TBCK: variants seen among roughly 807,000 people sequenced by gnomAD.
TBCK encodes TBC domain-containing protein kinase-like protein.
A neutral mutation model predicts 113.4 loss-of-function variants in TBCK; 99 were observed. The ratio of observed to expected loss-of-function variants is 0.87; its 90% CI spans 0.74 to 1.03. TBCK has a LOEUF of 1.03. Ranked by LOEUF, TBCK falls within the 50% of genes least tolerant of loss-of-function variation. TBCK has a pLI of 0.00. For synonymous variants in TBCK, 369 were observed against 370.8 expected (o/e 1.00, Z 0.05); for missense variants, 1,045 against 1,061.3 (o/e 0.98, Z 0.21).
intron 22 of TBCK, among the ~76,000 whole-genome samples, chr4:106,172,521 T>C (rs1435529419): frequency 1.3e-5 from 2 of 152,172 alleles, no homozygotes; most frequent in Admixed American, 1.3e-4. Flanking sequence ...AAATGGCATA[T>C]ATTCTCATTT....
chr4:106,130,387 C>T (rs1446291640), intron 23 of TBCK, among the ~76,000 whole-genome samples: 1 of 151,878 alleles, frequency 6.6e-6, no homozygotes. Context: ...AATGTTAATA[C>T]ACAATAAAAG....
At chr4:106,162,642 A>G (rs1261335784) in intron 23 of TBCK, among the ~76,000 whole-genome samples, 1 of 152,182 alleles carries the variant, frequency 6.6e-6, no homozygotes, top group Non-Finnish European at 1.5e-5. Context: ...ATGCACCAAC[A>G]GGCCAAACAC....
chr4:106,236,625 AT>A (rs2150011207), intron 13 of TBCK, 106 bp from the exon 14 acceptor site: 2 of 1,156,786 alleles, frequency 1.7e-6, no homozygotes, highest in East Asian at 3.0e-5. Context: ...AAAGCACAAA[AT>A]TTTAATAAAC....
chr4:106,121,937 T>A (rs967755463), intron 23 of TBCK, among the ~76,000 whole-genome samples: 2 of 151,842 alleles, frequency 1.3e-5, no homozygotes, highest in African/African-American at 4.8e-5. Context: ...GATCTAAAAT[T>A]CACACCCTAA....
intron 23 of TBCK, among the ~76,000 whole-genome samples, chr4:106,117,430 C>A (rs1743655096): frequency 6.6e-6 from 1 of 152,062 alleles, no homozygotes; most frequent in South Asian, 2.1e-4. Flanking sequence ...ATAAAGAGCA[C>A]CCTAATGCTT....
intron 15 of TBCK, among the ~76,000 whole-genome samples, chr4:106,234,309 A>T (rs1759213297): frequency 6.6e-6 from 1 of 152,272 alleles, no homozygotes; most frequent in Admixed American, 6.5e-5. Context: ...TTAATGTATG[A>T]TATTGAACAA....
At chr4:106,079,780 C>T (rs1241828668) in intron 25 of TBCK, among the ~76,000 whole-genome samples, 1 of 152,132 alleles carries the variant, frequency 6.6e-6, no homozygotes, top group Non-Finnish European at 1.5e-5. Flanking sequence ...GTTTCATTGG[C>T]TCACAGTTCT....
Position 106,116,209 on chromosome 4 carries a change from C to T in TBCK, c.2405G>A (p.Ser802Asn), listed in dbSNP as rs992126997. 3 of 1,613,872 alleles carry T rather than the reference C, an allele frequency of 1.9e-6. No homozygotes were observed. Among genetic ancestry groups the T allele is most frequent in the Non-Finnish European group, 8.5e-7 (1 of 1,179,962 alleles). Residue 802 changes from serine (S) to asparagine (N), a missense_variant, in exon 24 of 26, where the codon AGT (serine) becomes AAT (asparagine). Coordinates refer to ENST00000394708, the MANE Select transcript of TBCK (RefSeq NM_001163435.3). ...PKLLVVDIRNSEDFIRGHISG... is the reference protein window; with the variant it reads ...PKLLVVDIRNNEDFIRGHISG... ...CAGCATATGCAAAGGATACTCTTCA[C>T]TATTCCGGATGTCAACCACCAGGAG...
intron 23 of TBCK, among the ~76,000 whole-genome samples, chr4:106,121,956 T>C (rs1744448680): frequency 1.3e-5 from 2 of 151,930 alleles, no homozygotes; most frequent in South Asian, 4.2e-4. Context: ...AACATCACAA[T>C]TAAAAGAACT....
chr4:106,214,886 G>C (rs1756670607), intron 19 of TBCK, among the ~76,000 whole-genome samples: 1 of 152,018 alleles, frequency 6.6e-6, no homozygotes, highest in African/African-American at 2.4e-5. Flanking sequence ...TACTCCTTGA[G>C]AAGAGCAACT....
Position 106,294,504 on chromosome 4 carries a change from T to G in TBCK, c.266+590A>C, listed in dbSNP as rs544391935. On this transcript the variant is annotated intron_variant, in intron 3 of 25. Transcript: ENST00000394708. ...AATAATCTTTTTTTTTTTTTTGACA[T>G]GGAGTCTCGCTCTGTCACCCAGGCA... Among the ~76,000 whole-genome samples, 4 of 150,692 alleles carry G rather than the reference T, an allele frequency of 2.7e-5. No individual in the cohort carries two copies. In the East Asian group the frequency reaches 7.8e-4, roughly 30 times the overall value.
At chr4:106,252,040 C>A (rs1761496028) in intron 5 of TBCK, 33 bp from the exon 6 acceptor site, 2 of 1,547,894 alleles carry the variant, frequency 1.3e-6, no homozygotes, top group South Asian at 2.5e-5. Context: ...TGAAAAATTA[C>A]AACAGGGAAA....
At chr4:106,265,536 G>C (rs1394342991) in intron 3 of TBCK, among the ~76,000 whole-genome samples, 1 of 151,752 alleles carries the variant, frequency 6.6e-6, no homozygotes. Context: ...GATCCAAAGA[G>C]AGAGAGAGAG....
chr4:106,216,716 C>A (rs55932744), intron 19 of TBCK, among the ~76,000 whole-genome samples: 1 of 152,010 alleles, frequency 6.6e-6, no homozygotes, highest in Non-Finnish European at 1.5e-5. Flanking sequence ...GAGATTGTGG[C>A]AATAATCAAT....
intron 24 of TBCK, 43 bp from the exon 25 acceptor site, chr4:106,095,684 C>T (rs1170765703): frequency 6.3e-7 from 1 of 1,579,448 alleles, no homozygotes; most frequent in African/African-American, 1.3e-5. Flanking sequence ...TGTGTGCAAT[C>T]CTGAGTGTCT....
chr4:106,172,082 T>A (rs544972508), intron 22 of TBCK, among the ~76,000 whole-genome samples: 2 of 152,246 alleles, frequency 1.3e-5, no homozygotes, highest in South Asian at 2.1e-4. Flanking sequence ...TCCACCTGCC[T>A]CGGCCTCCCA....
intron 19 of TBCK, among the ~76,000 whole-genome samples, chr4:106,226,926 T>C (rs1758309863): frequency 6.6e-6 from 1 of 152,116 alleles, no homozygotes; most frequent in African/African-American, 2.4e-5. Flanking sequence ...CATTACTTCA[T>C]AAATTTTGAA....
intron 22 of TBCK, among the ~76,000 whole-genome samples, chr4:106,174,677 A>G (rs1057142381): frequency 2.6e-5 from 4 of 152,122 alleles, no homozygotes; most frequent in African/African-American, 4.8e-5. Flanking sequence ...CTTCTATTCT[A>G]TAAGAATCTT....
In TBCK at chr4:106,136,321, A is replaced by G. The variant is rs766041199; in HGVS notation, c.2236-19943T>C. On this transcript the variant is annotated intron_variant, in intron 23 of 25. Transcript: ENST00000394708. ...ACCTCTCTACCTCCTTCTCATCTCT[A>G]TTTTCTCCTTACCATTGTCTCCTGA... Among the ~76,000 whole-genome samples, 4 of 140,234 alleles carry G rather than the reference A, an allele frequency of 2.9e-5. 1 individual carries two copies. Among genetic ancestry groups the G allele is most frequent in the African/African-American group, 1.0e-4 (4 of 39,674 alleles). 92.0% of individuals were successfully genotyped at this position (140,234 alleles called of 152,430 possible).
Sources: allele counts gnomAD v4.1 joint callset (sites outside exome capture counted in the v4.1 genomes callset), GRCh38; gene constraint gnomAD v4.1.1; transcripts MANE v1.5; gene names NCBI Gene and HGNC (gene_info 2026-07-23, HGNC 2026-07-21).